PKHD1: variants seen among roughly 807,000 people sequenced by gnomAD.
The protein encoded by PKHD1 is PKHD1 ciliary IPT domain containing fibrocystin/polyductin.
A neutral mutation model predicts 412.0 loss-of-function variants in PKHD1; 291 were observed. That is an observed-to-expected ratio of 0.71 (90% CI 0.64 to 0.78). The LOEUF is 0.78. Among genes scored for constraint, PKHD1 ranks in the 30% least tolerant of loss-of-function variants. The pLI is 0.00. For synonymous variants in PKHD1, 1,777 were observed against 1,821.5 expected, an observed-to-expected ratio of 0.98 and a Z score of 0.62; for missense variants, 4,825 against 4,950.7, an observed-to-expected ratio of 0.97 and a Z score of 0.76.
chr6:51,647,905 T>C, intron 63 of PKHD1, 126 bp downstream of exon 63: 1 of 708,214 alleles, frequency 1.4e-6, no homozygotes, highest in Admixed American at 2.0e-5. Context: ...GATGAAGGAG[T>C]TTCTTCCCAA....
chr6:51,828,401 T>C (rs1767689208), intron 52 of PKHD1, among the ~76,000 whole-genome samples: 1 of 152,088 alleles, frequency 6.6e-6, no homozygotes, highest in Admixed American at 6.6e-5. Flanking sequence ...CCTTGTAAAA[T>C]ACTTAGTATG....
chr6:52,043,069 G>C lies in PKHD1; in HGVS notation c.2887C>G (p.Gln963Glu). The part of the protein sequence containing the change: ...TGFSGDSQFL[Q>E]VTVNKTSCKV... Reference sequence around the variant, plus strand: ...CAACTCGTTTTGTTCACTGTAACCTGCAAGAACTGGGAGTCACCAGAGAAA... The same window carrying C: ...CAACTCGTTTTGTTCACTGTAACCTCCAAGAACTGGGAGTCACCAGAGAAA... The change falls in exon 27 of 67, where the codon CAG becomes GAG. Residue 963 changes from glutamine to glutamate, a missense_variant. By Grantham distance (29) the Gln-to-Glu change is conservative. Coordinates refer to ENST00000371117, the MANE Select transcript of PKHD1 (RefSeq NM_138694.4). 6.2e-7 allele frequency: 1 copy of C among 1,613,560 alleles called. No homozygotes were observed. Among genetic ancestry groups the C allele is most frequent in the African/African-American group, 1.3e-5 (1 of 75,014 alleles).
chr6:51,706,667 A>G (rs1489675658), intron 60 of PKHD1, among the ~76,000 whole-genome samples: 2 of 152,144 alleles, frequency 1.3e-5, no homozygotes, highest in Admixed American at 1.3e-4. Context: ...TCTGTCCATT[A>G]ACACCTTTTC....
At chr6:51,817,932 C>G (rs1374236618) in intron 52 of PKHD1, among the ~76,000 whole-genome samples, 1 of 152,216 alleles carries the variant, frequency 6.6e-6, no homozygotes, top group African/African-American at 2.4e-5. Context: ...TCTCCACACA[C>G]TACTGCTGCC....
intron 53 of PKHD1, among the ~76,000 whole-genome samples, chr6:51,785,409 G>A (rs1443146228): frequency 6.6e-6 from 1 of 152,134 alleles, no homozygotes; most frequent in East Asian, 1.9e-4. Flanking sequence ...AAAAAATGAA[G>A]TTGTTAAAGA....
chr6:51,959,722 T>C, intron 36 of PKHD1, 148 bp downstream of exon 36: 1 of 728,962 alleles, frequency 1.4e-6, no homozygotes, highest in Non-Finnish European at 2.4e-6. Flanking sequence ...TGACCACTTC[T>C]TCCTTTACAT....
intron 15 of PKHD1, among the ~76,000 whole-genome samples, chr6:52,059,682 A>C (rs2128215014): frequency 6.6e-6 from 1 of 152,336 alleles, no homozygotes; most frequent in African/African-American, 2.4e-5. Context: ...TACATTTTGC[A>C]GAGATGCAGT....
intron 3 of PKHD1, 41 bp downstream of exon 3, chr6:52,083,137 C>A: frequency 8.0e-7 from 1 of 1,247,346 alleles, no homozygotes; most frequent in Non-Finnish European, 1.2e-6. Flanking sequence ...GATTGTGGGT[C>A]AATACATAAG....
intron 36 of PKHD1, among the ~76,000 whole-genome samples, chr6:51,947,945 C>T (rs1789725723): frequency 6.6e-6 from 1 of 152,138 alleles, no homozygotes; most frequent in Non-Finnish European, 1.5e-5. Context: ...CCTTCCCATT[C>T]CATGAATGGT....
intron 34 of PKHD1, among the ~76,000 whole-genome samples, chr6:52,013,886 G>A (rs1198595295): frequency 1.3e-5 from 2 of 152,190 alleles, no homozygotes; most frequent in African/African-American, 2.4e-5. Context: ...CACTTCCCCT[G>A]AAGTTGCTTC....
chr6:51,623,916 G>A (rs964227026), intron 66 of PKHD1, among the ~76,000 whole-genome samples: 7 of 152,068 alleles, frequency 4.6e-5, no homozygotes, highest in Non-Finnish European at 1.0e-4. Flanking sequence ...GTGTTTCTTA[G>A]CATTCCAAAA....
rs200928412 is a variant in PKHD1, at chr6:52,022,908, G to A, written c.5273C>T (p.Ala1758Val). 130 of 1,613,924 alleles carry A rather than the reference G, an allele frequency of 8.1e-5. No homozygotes were observed. Among genetic ancestry groups the A allele is most frequent in the Non-Finnish European group, 1.0e-4 (118 of 1,180,014 alleles). ...TGAGACATTCCCTGGAGAAAATCCC[G>A]CTCCAAACACATGCACCAGCCTTCC... ...LGGRLVHVFG[A>V]GFSPGNVSAA... Residue 1758 changes from alanine (A) to valine (V), a missense_variant, in exon 33 of 67, where the codon GCG becomes GTG. By Grantham distance (64) the Ala-to-Val change is moderately conservative. Coordinates refer to ENST00000371117, the MANE Select transcript of PKHD1 (RefSeq NM_138694.4).
At chr6:51,693,473 T>A (rs1252676801) in intron 60 of PKHD1, among the ~76,000 whole-genome samples, 1 of 152,250 alleles carries the variant, frequency 6.6e-6, no homozygotes, top group Non-Finnish European at 1.5e-5. Context: ...CCTTGTGAAG[T>A]GGTTTACAAA....
At chr6:51,796,222 C>T (rs2397063) in intron 52 of PKHD1, among the ~76,000 whole-genome samples, 1 of 151,264 alleles carries the variant, frequency 6.6e-6, no homozygotes, top group African/African-American at 2.4e-5. Context: ...AATTCTTCCT[C>T]GTTCAGTCTT....
chr6:51,775,744 G>C, intron 54 of PKHD1, 64 bp downstream of exon 54: 2 of 816,544 alleles, frequency 2.4e-6, no homozygotes. Flanking sequence ...TTCTCTATCA[G>C]ACACAAGCAC....
At position 51,912,435 on chromosome 6, in the gene PKHD1, T is replaced by A; in HGVS notation, c.6263A>T (p.Lys2088Ile). 2 of 1,613,278 alleles carry A rather than the reference T, an allele frequency of 1.2e-6. No homozygotes were observed. Among genetic ancestry groups the A allele is most frequent in the Non-Finnish European group, 1.7e-6 (2 of 1,179,394 alleles). Reference protein sequence around the residue: ...IISGTGVKGAKPMEEIVTVET... With the variant: ...IISGTGVKGAIPMEEIVTVET... ...CACAGTGACAATCTCTTCCATCGGT[T>A]TGGCACCTTTAACACCTGTTCCACT... Residue 2088 changes from lysine (K) to isoleucine (I), a missense_variant, in exon 38 of 67, where the codon AAA (lysine) becomes ATA (isoleucine). Physicochemically the swap from Lys to Ile is moderately radical, Grantham distance 102. Coordinates refer to ENST00000371117, the MANE Select transcript of PKHD1 (RefSeq NM_138694.4).
chr6:51,647,208 T>G (rs1258886192), intron 63 of PKHD1, among the ~76,000 whole-genome samples: 1 of 152,190 alleles, frequency 6.6e-6, no homozygotes, highest in Admixed American at 6.5e-5. Context: ...TTAATATGTG[T>G]CTCTTTTGTC....
intron 60 of PKHD1, among the ~76,000 whole-genome samples, chr6:51,730,227 A>G (rs1783074967): frequency 6.6e-6 from 1 of 152,108 alleles, no homozygotes; most frequent in Non-Finnish European, 1.5e-5. Flanking sequence ...TAATTCTTTT[A>G]TATTCAAATT....
intron 60 of PKHD1, among the ~76,000 whole-genome samples, chr6:51,702,227 A>ATTATACGTATAATATATAATATAT (rs1239369741): frequency 5.4e-5 from 8 of 147,942 alleles, no homozygotes; most frequent in South Asian, 2.1e-4. Context: ...TATTATATAT[A>ATTATACGTATAATATATAATATAT]TGTCATGGAA....
Sources: allele counts gnomAD v4.1 joint callset (sites outside exome capture counted in the v4.1 genomes callset), GRCh38; gene constraint gnomAD v4.1.1; transcripts MANE v1.5; gene names NCBI Gene and HGNC (gene_info 2026-07-23, HGNC 2026-07-21).